ASIC2: variants seen among roughly 807,000 people sequenced by gnomAD.
The protein encoded by ASIC2 is acid sensing ion channel subunit 2.
ASIC2 carries 25 observed loss-of-function variants against 57.3 expected under a neutral mutation model. The ratio of observed to expected loss-of-function variants is 0.44; its 90% CI spans 0.32 to 0.61. The LOEUF (loss-of-function observed/expected upper bound fraction) is 0.61. ASIC2 is among the 20% of genes least tolerant of loss of function. The pLI is 0.06. For missense variants in ASIC2, 641 were observed against 738.1 expected (o/e 0.87, Z 1.52); for synonymous variants, 319 against 307.5 (o/e 1.04, Z -0.39).
chr17:34,011,279 TC>T (rs1440441314), intron 1 of ASIC2, among the ~76,000 whole-genome samples: 1 of 152,118 alleles, frequency 6.6e-6, no homozygotes, highest in Non-Finnish European at 1.5e-5. Context: ...CTTGGCCCTT[TC>T]TGTTTTCATG....
intron 1 of ASIC2, among the ~76,000 whole-genome samples, chr17:33,467,165 T>C (rs1912893669): frequency 6.6e-6 from 1 of 152,182 alleles, no homozygotes; most frequent in African/African-American, 2.4e-5. Flanking sequence ...GGTCTCAAAC[T>C]CCTGAGCTCA....
intron 1 of ASIC2, among the ~76,000 whole-genome samples, chr17:33,568,959 A>G (rs1916340146): frequency 1.3e-5 from 2 of 152,204 alleles, no homozygotes; most frequent in Non-Finnish European, 2.9e-5. Flanking sequence ...GGCTCATTTC[A>G]TAGAATTTAT....
intron 1 of ASIC2, among the ~76,000 whole-genome samples, chr17:33,487,363 A>C (rs1310676040): frequency 6.6e-6 from 1 of 152,234 alleles, no homozygotes; most frequent in East Asian, 1.9e-4. Flanking sequence ...ATCAAGACTC[A>C]GAGAGGTTAA....
intron 1 of ASIC2, among the ~76,000 whole-genome samples, chr17:33,991,707 T>C (rs1411598874): frequency 6.6e-6 from 1 of 152,224 alleles, no homozygotes; most frequent in Non-Finnish European, 1.5e-5. Flanking sequence ...CAGGAGGCTC[T>C]GCTAATTTCA....
chr17:33,459,452 A>G (rs1912562350), intron 1 of ASIC2, among the ~76,000 whole-genome samples: 1 of 152,214 alleles, frequency 6.6e-6, no homozygotes, highest in Admixed American at 6.5e-5. Flanking sequence ...CACATCATTA[A>G]AGCTAAATAC....
intron 1 of ASIC2, chr17:33,955,019 A>G (rs551918994): frequency 1.3e-5 from 2 of 152,300 alleles, no homozygotes; most frequent in South Asian, 2.1e-4. Context: ...TACTTGCTTT[A>G]TTACACTGAT....
At chr17:34,108,730 A>C (rs1034038279) in intron 1 of ASIC2, among the ~76,000 whole-genome samples, 2 of 152,120 alleles carry the variant, frequency 1.3e-5, no homozygotes, top group African/African-American at 4.8e-5. Flanking sequence ...AGAGTGTTAA[A>C]ATCAACTCTA....
chr17:33,342,686 T>C (rs569840254), intron 1 of ASIC2, among the ~76,000 whole-genome samples: 12 of 152,258 alleles, frequency 7.9e-5, no homozygotes, highest in African/African-American at 2.4e-4. Flanking sequence ...TTGCAAGATA[T>C]GGAGGTCACC....
intron 1 of ASIC2, among the ~76,000 whole-genome samples, chr17:33,325,818 T>G (rs1470661861): frequency 6.6e-6 from 1 of 151,900 alleles, no homozygotes; most frequent in African/African-American, 2.4e-5. Flanking sequence ...GAACTATATT[T>G]TGGTGTTAGA....
At chr17:33,938,310 G>GC (rs535056360) in intron 1 of ASIC2, among the ~76,000 whole-genome samples, 8 of 152,132 alleles carry the variant, frequency 5.3e-5, no homozygotes, top group Admixed American at 1.3e-4. Flanking sequence ...CAAGTTCACT[G>GC]CCCCCTACCA....
intron 1 of ASIC2, among the ~76,000 whole-genome samples, chr17:33,730,495 T>C (rs1909709364): frequency 6.6e-6 from 1 of 152,228 alleles, no homozygotes; most frequent in Admixed American, 6.5e-5. Flanking sequence ...CATTTATTCA[T>C]TCAACAGTCC....
chr17:33,036,004 C>A (rs569649832), intron 3 of ASIC2, among the ~76,000 whole-genome samples: 25 of 152,212 alleles, frequency 1.6e-4, no homozygotes, highest in Non-Finnish European at 2.6e-4. Flanking sequence ...CAAGGGAGAA[C>A]TCAGGTAAAT....
In ASIC2 at chr17:33,556,632, G is replaced by A. The variant is rs554348122; in HGVS notation, c.556-444565C>T. Among the ~76,000 whole-genome samples, 190 of 152,318 alleles carry A rather than the reference G, an allele frequency of 1.2e-3. 1 individual carries two copies. The highest frequency in any genetic ancestry group is 4.4e-3 in the African/African-American group (182 of 41,576). ...AATCTAAAGGTTTGTGGCTGCATCA[G>A]ACACCCAAGTTTGGTAATGAGTGAG... On this transcript the variant is annotated intron_variant, in intron 1 of 9. Transcript: ENST00000359872.
intron 2 of ASIC2, among the ~76,000 whole-genome samples, chr17:33,102,695 C>T (rs141039179): frequency 6.6e-6 from 1 of 151,992 alleles, no homozygotes; most frequent in Middle Eastern, 3.2e-3. Context: ...TTTGTTTAAC[C>T]TTTTCGGGAG....
intron 1 of ASIC2, among the ~76,000 whole-genome samples, chr17:33,242,791 A>G (rs1472245657): frequency 1.3e-5 from 2 of 152,102 alleles, no homozygotes; most frequent in Non-Finnish European, 2.9e-5. Context: ...TGTTTCCATC[A>G]ATGGTGGTTA....
At position 33,934,525 on chromosome 17, in the gene ASIC2, G is replaced by A. The variant is rs182937461; in HGVS notation, c.555+221453C>T. Among the ~76,000 whole-genome samples, 170 of 152,250 alleles carry A rather than the reference G, an allele frequency of 1.1e-3. 1 individual carries two copies. The highest frequency in any genetic ancestry group is 0.01 in the Middle Eastern group (3 of 294). On this transcript the variant is annotated intron_variant, in intron 1 of 9. Coordinates refer to the ASIC2 transcript ENST00000359872. ...CCAGCAGGATCCAGGCTGGAATGAA[G>A]GCAACTCTCAAGGGCACAGGCCGTG...
chr17:33,500,403 A>C (rs1914065266), intron 1 of ASIC2, among the ~76,000 whole-genome samples: 1 of 152,246 alleles, frequency 6.6e-6, no homozygotes, highest in Admixed American at 6.5e-5. Context: ...TGATTGGCCC[A>C]CTCAAGATCA....
At chr17:33,203,179 T>TTAGA in intron 1 of ASIC2, among the ~76,000 whole-genome samples, 1 of 152,352 alleles carries the variant, frequency 6.6e-6, no homozygotes, top group South Asian at 2.1e-4. Context: ...TTATGTTGTG[T>TTAGA]TAGAATCCAT....
In ASIC2 at chr17:33,023,974, C is replaced by T; in HGVS notation, c.1236G>A (p.Arg412=). 6.2e-7 allele frequency: 1 copy of T among 1,614,180 alleles called. No individual in the cohort carries two copies. The highest frequency in any genetic ancestry group is 8.5e-7 in the Non-Finnish European group (1 of 1,180,022). The change falls in exon 6 of 10, where the codon AGG becomes AGA. Residue 412 remains arginine, a synonymous_variant. Transcript: ENST00000225823. ...AEKDSNYCLC[R]TPCNLTRYNK... ...TGTAGCGGGTTAGGTTGCAGGGTGTCCTGCAGAGACAGTAATTGCTGTCCT... is the reference window on the plus strand; with the variant it reads ...TGTAGCGGGTTAGGTTGCAGGGTGTTCTGCAGAGACAGTAATTGCTGTCCT...
Sources: gnomAD v4.1 joint callset for allele counts (sites outside exome capture counted in the v4.1 genomes callset) on GRCh38, gnomAD v4.1.1 for gene constraint, MANE v1.5 for transcripts, NCBI Gene and HGNC (gene_info 2026-07-23, HGNC 2026-07-21) for gene names.